SENP8: variants seen among roughly 807,000 people sequenced by gnomAD.
SENP8 encodes the protein sentrin-specific protease 8.
SENP8 carries 10 observed loss-of-function variants against 14.4 expected under a neutral mutation model. The ratio of observed to expected loss-of-function variants is 0.69; its 90% CI spans 0.43 to 1.18. The LOEUF (loss-of-function observed/expected upper bound fraction) is 1.18. Ranked by LOEUF, SENP8 falls within the 50% of genes most tolerant of loss-of-function variation. SENP8 has a pLI of 0.00. For synonymous variants in SENP8, 94 were observed against 95.5 expected, an observed-to-expected ratio of 0.98 and a Z score of 0.09; for missense variants, 202 against 249.4, an observed-to-expected ratio of 0.81 and a Z score of 1.28.
Position 72,139,655 on chromosome 15 carries a change from G to A in SENP8, c.32G>A (p.Ser11Asn), listed in dbSNP as rs2081360830. 1.2e-6 allele frequency: 2 copies of A among 1,614,200 alleles called. No individual in the cohort carries two copies. The highest frequency in any genetic ancestry group is 1.7e-6 in the Non-Finnish European group (2 of 1,180,004). ...CCCGTAGTCTTGAGTTACATGGACA[G>A]TCTACTGCGGCAATCAGATGTCTCA... is the stretch of plus-strand genomic sequence containing the variant. MDPVVLSYMDSLLRQSDVSLL... is the reference protein window; with the variant it reads MDPVVLSYMDNLLRQSDVSLL... The change falls in exon 2 of 2, where the codon AGT (serine) becomes AAT (asparagine). Residue 11 changes from serine to asparagine, a missense_variant. Ser to Asn is a conservative substitution (Grantham distance 46, BLOSUM62 1). Transcript: ENST00000340912.
chr15:72,141,163 C>G lies in SENP8; in HGVS notation c.*901C>G, dbSNP rs1356485602. Reference sequence around the variant, plus strand: ...TTCTTCCTGATAGTTATAGGTTTTCCTCTCTGTCCTTAATTCTGGCAGAAT... The same window carrying G: ...TTCTTCCTGATAGTTATAGGTTTTCGTCTCTGTCCTTAATTCTGGCAGAAT... On this transcript the variant is annotated 3_prime_UTR_variant, in exon 2 of 2. Coordinates refer to ENST00000340912, the MANE Select transcript of SENP8 (RefSeq NM_145204.4). The G allele has an allele frequency of 3.3e-5, 5 of 152,416 alleles. No individual in the cohort carries two copies. The highest frequency in any genetic ancestry group is 1.2e-4 in the African/African-American group (5 of 41,442). 9.4% of individuals were successfully genotyped at this position (152,416 alleles called of 1,614,324 possible).
chr15:72,139,468 G>T, intron 1 of SENP8, 109 bp from the exon 2 acceptor site: 6 of 1,090,514 alleles, frequency 5.5e-6, no homozygotes, highest in Non-Finnish European at 7.9e-6. Context: ...AACCCACCTT[G>T]TCCAAGGGTC....
At chr15:72,121,413 A>G (rs952225264) in intron 1 of SENP8, among the ~76,000 whole-genome samples, 7 of 152,174 alleles carry the variant, frequency 4.6e-5, no homozygotes, top group South Asian at 2.1e-4. Context: ...GACTAGAACA[A>G]TAAGTTAATT....
intron 1 of SENP8, among the ~76,000 whole-genome samples, chr15:72,139,153 C>T (rs927945694): frequency 6.6e-6 from 1 of 151,782 alleles, no homozygotes; most frequent in African/African-American, 2.4e-5. Context: ...ATAACATAGC[C>T]AATTAACACG....
At position 72,140,606 on chromosome 15, in the gene SENP8, G is replaced by T; in HGVS notation, c.*344G>T. The T allele has an allele frequency of 4.7e-6, 1 of 212,412 alleles. No individual in the cohort carries two copies. The highest frequency in any genetic ancestry group is 1.0e-5 in the Non-Finnish European group (1 of 96,916). 13.2% of individuals were successfully genotyped at this position (212,412 alleles called of 1,614,324 possible). ...CTTATCCACATTGGCTTATTCTGGA[G>T]GAAAAGCAGTGATCTGTAAAACAAA... is the stretch of plus-strand genomic sequence containing the variant. On this transcript the variant is annotated 3_prime_UTR_variant, in exon 2 of 2. Coordinates refer to ENST00000340912, the MANE Select transcript of SENP8 (RefSeq NM_145204.4).
At chr15:72,134,682 G>A in intron 1 of SENP8, 1 of 214,084 alleles carries the variant, frequency 4.7e-6, no homozygotes, top group Non-Finnish European at 9.8e-6. Flanking sequence ...TCCAATATAT[G>A]TTCTCTAGGC....
chr15:72,136,622 T>C (rs1466175081), intron 1 of SENP8, among the ~76,000 whole-genome samples: 1 of 152,236 alleles, frequency 6.6e-6, no homozygotes, highest in Admixed American at 6.5e-5. Context: ...ATTTTTCATA[T>C]AGGTTTTTGC....
At chr15:72,122,782 CT>C (rs2081180454) in intron 1 of SENP8, among the ~76,000 whole-genome samples, 4 of 152,244 alleles carry the variant, frequency 2.6e-5, no homozygotes, top group South Asian at 4.1e-4. Context: ...TTTTATGAGG[CT>C]TTTTAATAAT....
intron 1 of SENP8, among the ~76,000 whole-genome samples, chr15:72,139,043 G>T (rs1041943454): frequency 2.1e-5 from 3 of 143,724 alleles, no homozygotes; most frequent in African/African-American, 7.7e-5. Context: ...TACATGTTTT[G>T]TAAATGTATT....
At chr15:72,115,616 C>T (rs1484798048), upstream of SENP8, among the ~76,000 whole-genome samples, 1 of 152,216 alleles carries the variant, frequency 6.6e-6, no homozygotes, top group African/African-American at 2.4e-5. Context: ...TCTTATTCTA[C>T]TCTTCAATTC....
chr15:72,118,167 C>A (rs966715838), upstream of SENP8: 1 of 369,980 alleles, frequency 2.7e-6, no homozygotes. Context: ...CTCCCACGCC[C>A]CCTACTGCCA....
rs572277587 is a variant in SENP8 at position 72,142,200 on chromosome 15, A to T, written c.*1938A>T. 5.9e-5 allele frequency: 9 copies of T among 152,298 alleles called. 1 individual carries two copies. Among genetic ancestry groups the T allele is most frequent in the African/African-American group, 2.2e-4 (9 of 41,576 alleles). 9.4% of individuals were successfully genotyped at this position (152,298 alleles called of 1,614,324 possible). Reference sequence around the variant, plus strand: ...TATGTAATCTATCTACATATATATAAAAAATGCATTTTCCAAATGCATTAG... The same window carrying T: ...TATGTAATCTATCTACATATATATATAAAATGCATTTTCCAAATGCATTAG... On this transcript the variant is annotated 3_prime_UTR_variant, in exon 2 of 2. Transcript: ENST00000340912.
intron 1 of SENP8, among the ~76,000 whole-genome samples, chr15:72,120,114 T>C (rs576985184): frequency 2.0e-5 from 3 of 152,234 alleles, no homozygotes; most frequent in East Asian, 1.9e-4. Flanking sequence ...TCCACTCTCA[T>C]AGAGATTACT....
At chr15:72,130,638 A>AC (rs1032382640) in intron 1 of SENP8, among the ~76,000 whole-genome samples, 1 of 139,228 alleles carries the variant, frequency 7.2e-6, no homozygotes, top group Non-Finnish European at 1.5e-5. Context: ...ATCTCGGCTC[A>AC]CCGCAACCTC....
upstream of SENP8, chr15:72,118,182 G>C: frequency 2.7e-6 from 1 of 365,014 alleles, no homozygotes; most frequent in Admixed American, 4.7e-5. Flanking sequence ...CTGCCAGCAC[G>C]GGTCGGCCCC....
chr15:72,143,432 AAG>A lies in SENP8; in HGVS notation c.*3174_*3175del, dbSNP rs1223170105. On this transcript the variant is annotated 3_prime_UTR_variant, in exon 2 of 2. Transcript: ENST00000340912. ...GGCTGATAATTACTGTTATGTACAA[AAG>A]AGAAACTTATTCAAGGATGGTGAAT... 17 of 152,330 alleles carry A rather than the reference AAG, an allele frequency of 1.1e-4. No homozygotes were observed. The South Asian group carries it at 1.9e-3, about 17-fold the overall frequency. 9.4% of individuals were successfully genotyped at this position (152,330 alleles called of 1,614,324 possible).
At position 72,139,673 on chromosome 15, in the gene SENP8, ATG is replaced by A. The variant is rs1179755026; in HGVS notation, c.52_53del (p.Val18LeufsTer11). 6.2e-7 allele frequency: 1 copy of A among 1,614,076 alleles called. No individual in the cohort carries two copies. The highest frequency in any genetic ancestry group is 2.2e-5 in the East Asian group (1 of 44,902). On this transcript the variant is annotated frameshift_variant, in exon 2 of 2. Coordinates refer to ENST00000340912, the MANE Select transcript of SENP8 (RefSeq NM_145204.4). LOFTEE classifies it high-confidence loss of function. Reference sequence around the variant, plus strand: ...ATGGACAGTCTACTGCGGCAATCAGATGTCTCACTATTGGATCCGCCAAGCTG... The same window carrying A: ...ATGGACAGTCTACTGCGGCAATCAGATCTCACTATTGGATCCGCCAAGCTG...
At chr15:72,124,175 A>C (rs1339972990) in intron 1 of SENP8, among the ~76,000 whole-genome samples, 1 of 152,222 alleles carries the variant, frequency 6.6e-6, no homozygotes. Flanking sequence ...TTACATTTAT[A>C]ACTGTGTTGT....
chr15:72,129,488 G>A (rs986082645), intron 1 of SENP8, among the ~76,000 whole-genome samples: 4 of 150,854 alleles, frequency 2.7e-5, no homozygotes, highest in African/African-American at 9.7e-5. Context: ...TCAGCCTCCC[G>A]AGTAGCTGGG....
Sources: gnomAD v4.1 joint callset for allele counts (sites outside exome capture counted in the v4.1 genomes callset) on GRCh38, gnomAD v4.1.1 for gene constraint, MANE v1.5 for transcripts, NCBI Gene and HGNC (gene_info 2026-07-23, HGNC 2026-07-21) for gene names.